KCNK9: variants seen among roughly 807,000 people sequenced by gnomAD.
The protein encoded by KCNK9 is potassium two pore domain channel subfamily K member 9, also known as potassium channel subfamily K member 9.
Under a neutral mutation model 10.8 loss-of-function variants are expected in KCNK9, and 1 was observed. The ratio of observed to expected loss-of-function variants is 0.09; its 90% CI spans 0.03 to 0.44. KCNK9 has a LOEUF of 0.44. Among genes scored for constraint, KCNK9 ranks in the 20% least tolerant of loss-of-function variants. KCNK9 has a pLI of 0.97. For missense variants in KCNK9, 303 were observed against 515.0 expected, an observed-to-expected ratio of 0.59 and a Z score of 3.98; for synonymous variants, 231 against 222.7, an observed-to-expected ratio of 1.04 and a Z score of -0.33.
At chr8:139,619,299 T>A (rs1297976246) in intron 1 of KCNK9, among the ~76,000 whole-genome samples, 200 bp from the exon 2 acceptor site, 1 of 151,236 alleles carries the variant, frequency 6.6e-6, no homozygotes, top group Non-Finnish European at 1.5e-5. Context: ...AGAAGTCACA[T>A]GAGGTTAGGG....
intron 1 of KCNK9, among the ~76,000 whole-genome samples, chr8:139,686,754 A>G (rs2129779067): frequency 6.6e-6 from 1 of 152,342 alleles, no homozygotes; most frequent in East Asian, 1.9e-4. Flanking sequence ...TTTGCTGACA[A>G]AAGTGTGTGT....
intron 1 of KCNK9, among the ~76,000 whole-genome samples, chr8:139,636,251 G>A (rs1415242970): frequency 1.3e-5 from 2 of 152,222 alleles, no homozygotes; most frequent in Non-Finnish European, 2.9e-5. Context: ...TGCTCAGAGA[G>A]GCTAAGTACC....
intron 1 of KCNK9, among the ~76,000 whole-genome samples, chr8:139,668,027 G>C (rs140864933): frequency 6.6e-6 from 1 of 152,166 alleles, no homozygotes; most frequent in Non-Finnish European, 1.5e-5. Context: ...TTGAGTTTGT[G>C]GCAACCCTGC....
chr8:139,659,248 A>G (rs1816092692), intron 1 of KCNK9, among the ~76,000 whole-genome samples: 1 of 152,154 alleles, frequency 6.6e-6, no homozygotes, highest in Non-Finnish European at 1.5e-5. Context: ...TCCAGGCTGG[A>G]GTCCTGACCC....
chr8:139,653,899 A>C (rs1289762273), intron 1 of KCNK9, among the ~76,000 whole-genome samples: 1 of 152,186 alleles, frequency 6.6e-6, no homozygotes, highest in South Asian at 2.1e-4. Context: ...CACCAATTCC[A>C]AGTCCCTAAA....
chr8:139,609,090 C>G (rs1045391955), downstream of KCNK9, among the ~76,000 whole-genome samples: 6 of 137,580 alleles, frequency 4.4e-5, no homozygotes, highest in African/African-American at 1.4e-4. Flanking sequence ...TCATGGCAAT[C>G]TGAGGGACCC....
intron 1 of KCNK9, among the ~76,000 whole-genome samples, chr8:139,679,104 C>G (rs1816626960): frequency 6.6e-6 from 1 of 152,242 alleles, no homozygotes; most frequent in African/African-American, 2.4e-5. Flanking sequence ...CCCTTCCCTT[C>G]TTCCTCACTA....
chr8:139,622,930 C>T (rs1814837658), intron 1 of KCNK9, among the ~76,000 whole-genome samples: 1 of 152,192 alleles, frequency 6.6e-6, no homozygotes, highest in Non-Finnish European at 1.5e-5. Flanking sequence ...CATAGTAGCA[C>T]ACTATATACA....
At chr8:139,624,473 C>T (rs1586638962) in intron 1 of KCNK9, among the ~76,000 whole-genome samples, 1 of 152,174 alleles carries the variant, frequency 6.6e-6, no homozygotes, top group African/African-American at 2.4e-5. Flanking sequence ...GCCCGGCTGG[C>T]CCCTGCATCA....
At chr8:139,670,187 T>C (rs1816394359) in intron 1 of KCNK9, among the ~76,000 whole-genome samples, 1 of 152,214 alleles carries the variant, frequency 6.6e-6, no homozygotes, top group Non-Finnish European at 1.5e-5. Flanking sequence ...CATTTATCAA[T>C]TAAGTGTGCC....
chr8:139,626,419 C>A (rs1322910024), intron 1 of KCNK9, among the ~76,000 whole-genome samples: 1 of 152,234 alleles, frequency 6.6e-6, no homozygotes, highest in African/African-American at 2.4e-5. Flanking sequence ...GAGCCCTTGA[C>A]CAGAAGCCAT....
intron 1 of KCNK9, among the ~76,000 whole-genome samples, chr8:139,688,910 C>G (rs1816877580): frequency 6.6e-6 from 1 of 152,180 alleles, no homozygotes; most frequent in Non-Finnish European, 1.5e-5. Context: ...TGGGCTGAAT[C>G]ATGTCCCCTC....
chr8:139,689,038 T>A (rs1479059049), intron 1 of KCNK9, among the ~76,000 whole-genome samples: 2 of 152,048 alleles, frequency 1.3e-5, no homozygotes, highest in African/African-American at 2.4e-5. Context: ...CTAACTGGTG[T>A]CCTTATAAGG....
intron 1 of KCNK9, among the ~76,000 whole-genome samples, chr8:139,689,762 C>A (rs1272595163): frequency 1.3e-5 from 2 of 151,938 alleles, no homozygotes; most frequent in African/African-American, 4.8e-5. Context: ...CCTGCCTCAG[C>A]CTCCCGAATA....
chr8:139,635,588 G>A (rs1815313412), intron 1 of KCNK9, among the ~76,000 whole-genome samples: 1 of 152,218 alleles, frequency 6.6e-6, no homozygotes, highest in Non-Finnish European at 1.5e-5. Context: ...GAAAAAGCCT[G>A]CTGCTATAAG....
intron 1 of KCNK9, among the ~76,000 whole-genome samples, chr8:139,682,827 AC>A (rs1226218632): frequency 2.6e-5 from 4 of 151,258 alleles, no homozygotes; most frequent in African/African-American, 9.7e-5. Context: ...ATGCCTGGTG[AC>A]CCCCCCACAC....
At chr8:139,623,658 CCCCCTA>C (rs939684086) in intron 1 of KCNK9, among the ~76,000 whole-genome samples, 12 of 152,246 alleles carry the variant, frequency 7.9e-5, no homozygotes, top group African/African-American at 2.9e-4. Context: ...ACCGCCCCCT[CCCCCTA>C]CCCTCCAGGC....
In KCNK9 at chr8:139,670,390, C is replaced by T. The variant is rs76026952; in HGVS notation, c.283+32320G>A. 1.1e-4 allele frequency among the ~76,000 whole-genome samples: 16 copies of T among 152,134 alleles called. No individual in the cohort carries two copies. The East Asian group carries it at 2.3e-3, about 22-fold the overall frequency. Reference sequence around the variant, plus strand: ...AATGACACCAGTGGGCTTGATGACACGGGGTGCCACAAACCCTCAATTTGT... The same window carrying T: ...AATGACACCAGTGGGCTTGATGACATGGGGTGCCACAAACCCTCAATTTGT... On this transcript the variant is annotated intron_variant, in intron 1 of 1. Transcript: ENST00000520439.
At chr8:139,678,375 G>T (rs1816610931) in intron 1 of KCNK9, among the ~76,000 whole-genome samples, 1 of 152,194 alleles carries the variant, frequency 6.6e-6, no homozygotes, top group African/African-American at 2.4e-5. Flanking sequence ...TGTCCCTCTA[G>T]GACCACAGCC....
Sources: allele counts gnomAD v4.1 joint callset (sites outside exome capture counted in the v4.1 genomes callset), GRCh38; gene constraint gnomAD v4.1.1; transcripts MANE v1.5; gene names NCBI Gene and HGNC (gene_info 2026-07-23, HGNC 2026-07-21).